Variants in IPO11 observed in about 807,000 individuals in gnomAD.
The protein encoded by IPO11 is importin-11.
In IPO11, 66 loss-of-function variants were observed where a neutral mutation model predicts 143.2. The observed-to-expected ratio is 0.46, with a 90% confidence interval of 0.38 to 0.57. The LOEUF (loss-of-function observed/expected upper bound fraction) is 0.57. Ranked by LOEUF, IPO11 falls within the 20% of genes least tolerant of loss-of-function variation. The pLI is 0.00. For synonymous variants in IPO11, 385 were observed against 377.8 expected (o/e 1.02, Z -0.22); for missense variants, 1,026 against 1,141.0 (o/e 0.90, Z 1.45).
chr5:62,496,773 T>A (rs925922159), intron 16 of IPO11, among the ~76,000 whole-genome samples: 15 of 152,226 alleles, frequency 9.9e-5, no homozygotes, highest in Non-Finnish European at 1.5e-5. Context: ...TATACATATG[T>A]GTCACACAAT....
chr5:62,591,472 C>G (rs1745007389), intron 27 of IPO11, 105 bp from the exon 28 acceptor site: 1 of 638,648 alleles, frequency 1.6e-6, no homozygotes, highest in Non-Finnish European at 2.6e-6. Flanking sequence ...TTGTATTTCA[C>G]AGCTGAAATT....
At chr5:62,589,872 G>A (rs193127954) in intron 27 of IPO11, among the ~76,000 whole-genome samples, 21 of 152,272 alleles carry the variant, frequency 1.4e-4, no homozygotes, top group Admixed American at 5.2e-4. Context: ...GCTGCATTGC[G>A]GTAGGCTGAC....
intron 9 of IPO11, among the ~76,000 whole-genome samples, chr5:62,481,155 T>C (rs563256310): frequency 6.6e-6 from 1 of 152,188 alleles, no homozygotes; most frequent in Non-Finnish European, 1.5e-5. Flanking sequence ...CCTGATCTTG[T>C]GATCCACCCG....
intron 27 of IPO11, among the ~76,000 whole-genome samples, chr5:62,571,513 T>A (rs1744129554): frequency 1.3e-5 from 2 of 152,340 alleles, no homozygotes; most frequent in South Asian, 4.1e-4. Context: ...GATACCAGCT[T>A]ATTCAGTAGG....
At chr5:62,442,094 T>C (rs1744505110) in intron 2 of IPO11, among the ~76,000 whole-genome samples, 1 of 152,198 alleles carries the variant, frequency 6.6e-6, no homozygotes. Flanking sequence ...TTCGCCTGCC[T>C]CGACCTCCCA....
chr5:62,475,519 A>C (rs1027912343), intron 8 of IPO11, among the ~76,000 whole-genome samples: 3 of 152,302 alleles, frequency 2.0e-5, no homozygotes, highest in South Asian at 2.1e-4. Context: ...CAAGAAAAAA[A>C]AATTCTATTT....
intron 27 of IPO11, among the ~76,000 whole-genome samples, chr5:62,573,782 C>G (rs1489148106): frequency 1.3e-5 from 2 of 152,202 alleles, no homozygotes; most frequent in African/African-American, 4.8e-5. Flanking sequence ...TGACTAGTCT[C>G]ATGCCTGACA....
intron 21 of IPO11, among the ~76,000 whole-genome samples, chr5:62,528,249 C>T (rs541049416): frequency 3.7e-4 from 56 of 152,220 alleles, no homozygotes; most frequent in African/African-American, 1.3e-3. Context: ...AAGTGGTCAA[C>T]TTTGTCAAAT....
chr5:62,607,230 GACTTGT>G (rs1279429418), intron 29 of IPO11, among the ~76,000 whole-genome samples: 2 of 151,948 alleles, frequency 1.3e-5, no homozygotes, highest in African/African-American at 2.4e-5. Flanking sequence ...GCTTTCTTTA[GACTTGT>G]ACTTGTTAGA....
At chr5:62,558,754 C>T (rs543215292) in intron 26 of IPO11, among the ~76,000 whole-genome samples, 16 of 151,954 alleles carry the variant, frequency 1.1e-4, no homozygotes, top group Non-Finnish European at 1.9e-4. Flanking sequence ...AATATTTTAA[C>T]GAATAAAATA....
chr5:62,531,644 C>T (rs780226111), intron 22 of IPO11, among the ~76,000 whole-genome samples: 1 of 152,114 alleles, frequency 6.6e-6, no homozygotes, highest in African/African-American at 2.4e-5. Flanking sequence ...GAATGACACA[C>T]TGGAAAAAAT....
At chr5:62,572,997 C>T (rs576206463) in intron 27 of IPO11, among the ~76,000 whole-genome samples, 211 of 152,112 alleles carry the variant, frequency 1.4e-3, no homozygotes, top group African/African-American at 3.8e-3. Context: ...AAATTATATA[C>T]GAACAAAATT....
At chr5:62,589,966 C>A (rs546325181) in intron 27 of IPO11, among the ~76,000 whole-genome samples, 1 of 152,170 alleles carries the variant, frequency 6.6e-6, no homozygotes, top group Non-Finnish European at 1.5e-5. Context: ...TGGAAGCCCT[C>A]TGAAAGCAGT....
At chr5:62,418,949 A>G (rs1190541964) in intron 1 of IPO11, 2 of 1,519,782 alleles carry the variant, frequency 1.3e-6, no homozygotes, top group African/African-American at 1.4e-5. Flanking sequence ...AGGCTGGGAT[A>G]CATCCTGAGA....
rs114605618 is a variant in IPO11 at position 62,540,598 on chromosome 5, C to G, written c.2250+3309C>G. 5.0e-3 allele frequency among the ~76,000 whole-genome samples: 768 copies of G among 152,344 alleles called. 7 individuals carry two copies. The highest frequency in any genetic ancestry group is 0.017 in the African/African-American group (724 of 41,594). On this transcript the variant is annotated intron_variant, in intron 24 of 29. Transcript: ENST00000325324. ...AGGGAGCGTAGCATAGCAGGTAAGA[C>G]TACACACTGAAGGGAGACTTCCAGG...
chr5:62,479,831 G>A (rs1167364315), intron 9 of IPO11, among the ~76,000 whole-genome samples: 1 of 152,130 alleles, frequency 6.6e-6, no homozygotes, highest in Non-Finnish European at 1.5e-5. Flanking sequence ...GTAGATTCTG[G>A]ATATTAGCCC....
At chr5:62,607,420 A>G (rs1306123043) in intron 29 of IPO11, among the ~76,000 whole-genome samples, 1 of 152,156 alleles carries the variant, frequency 6.6e-6, no homozygotes. Context: ...GAGAACCAGT[A>G]GATTGATTCT....
At position 62,627,408 on chromosome 5, in the gene IPO11, A is replaced by T; in HGVS notation, c.*90A>T. ...TATGTGAGAGCCTGCTGAGATGAAG[A>T]AATCACTTCATGAAAATAAGCAAAG... On this transcript the variant is annotated 3_prime_UTR_variant, in exon 30 of 30. Coordinates refer to ENST00000325324, the MANE Select transcript of IPO11 (RefSeq NM_016338.5). The T allele has an allele frequency of 1.7e-6, 2 of 1,200,192 alleles. No homozygotes were observed. The highest frequency in any genetic ancestry group is 2.3e-6 in the Non-Finnish European group (2 of 862,284). 74.3% of individuals were successfully genotyped at this position (1,200,192 alleles called of 1,614,324 possible). A position where few individuals can be genotyped will look rare whatever the true frequency, so the allele number is the denominator to read the frequency against.
intron 29 of IPO11, among the ~76,000 whole-genome samples, chr5:62,618,799 T>C (rs2112477841): frequency 6.6e-6 from 1 of 152,286 alleles, no homozygotes; most frequent in Non-Finnish European, 1.5e-5. Context: ...TAGTCCCACC[T>C]AGTCGGGAGG....
Sources: gnomAD v4.1 joint callset for allele counts (sites outside exome capture counted in the v4.1 genomes callset) on GRCh38, gnomAD v4.1.1 for gene constraint, MANE v1.5 for transcripts, NCBI Gene and HGNC (gene_info 2026-07-23, HGNC 2026-07-21) for gene names.